NFATC2: variants seen among roughly 807,000 people sequenced by gnomAD.
NFATC2 encodes nuclear factor of activated T-cells, cytoplasmic 2.
A neutral mutation model predicts 87.3 loss-of-function variants in NFATC2; 22 were observed. That is an observed-to-expected ratio of 0.25 (90% CI 0.18 to 0.36). NFATC2 has a LOEUF of 0.36. Ranked by LOEUF, NFATC2 falls within the 10% of genes least tolerant of loss-of-function variation. NFATC2 has a pLI of 1.00. For synonymous variants in NFATC2, 565 were observed against 542.2 expected (o/e 1.04, Z -0.58); for missense variants, 1,149 against 1,259.1 (o/e 0.91, Z 1.32).
At chr20:51,424,940 GA>G (rs1981546340) in intron 9 of NFATC2, among the ~76,000 whole-genome samples, 1 of 151,974 alleles carries the variant, frequency 6.6e-6, no homozygotes, top group South Asian at 2.1e-4. Flanking sequence ...GAGGGGTGTT[GA>G]AAAAAATCTT....
At chr20:51,425,254 T>C (rs773469067) in intron 9 of NFATC2, among the ~76,000 whole-genome samples, 6 of 152,252 alleles carry the variant, frequency 3.9e-5, no homozygotes, top group South Asian at 2.1e-4. Context: ...GATACATTTT[T>C]AAATGAAGGC....
intron 10 of NFATC2, 87 bp from the exon 11 acceptor site, chr20:51,391,538 C>T: frequency 7.3e-7 from 1 of 1,371,776 alleles, no homozygotes; most frequent in Non-Finnish European, 1.0e-6. Context: ...CTTTCTAGAA[C>T]CTCTATTGGG....
At position 51,389,042 on chromosome 20, in the gene NFATC2, A is replaced by G. The variant is rs148860424; in HGVS notation, c.*2454T>C. ...TCTTGCCTGTTTATGTCTCAAATCT[A>G]ATGCTTTTGTTTCTCTTTCCTTTGC... On this transcript the variant is annotated 3_prime_UTR_variant, in exon 11 of 11. Coordinates refer to ENST00000371564, the MANE Select transcript of NFATC2 (RefSeq NM_012340.5). 1 of 152,262 alleles carries G rather than the reference A, an allele frequency of 6.6e-6. No individual in the cohort carries two copies. Among genetic ancestry groups the G allele is most frequent in the African/African-American group, 2.4e-5 (1 of 41,552 alleles). 9.4% of individuals were successfully genotyped at this position (152,262 alleles called of 1,614,324 possible).
At chr20:51,470,486 T>C (rs1262187796) in intron 5 of NFATC2, among the ~76,000 whole-genome samples, 1 of 152,172 alleles carries the variant, frequency 6.6e-6, no homozygotes. Context: ...CTCTGGTAGT[T>C]TGTTCATGTT....
In NFATC2 at chr20:51,512,095, C is replaced by CGGA. The variant is rs1216485558; in HGVS notation, c.1332+4686_1332+4688dup. Among the ~76,000 whole-genome samples, 13 of 152,250 alleles carry CGGA rather than the reference C, an allele frequency of 8.5e-5. No homozygotes were observed. In the East Asian group the frequency reaches 1.9e-3, roughly 23 times the overall value. ...CCCCGACTAAGAGAGACAGAGAGCACGGAGGAGGAGGAGGACATCATTTGT... is the reference window on the plus strand; with the variant it reads ...CCCCGACTAAGAGAGACAGAGAGCACGGAGGAGGAGGAGGAGGACATCATTTGT... On this transcript the variant is annotated intron_variant, in intron 3 of 10. Coordinates refer to ENST00000371564, the MANE Select transcript of NFATC2 (RefSeq NM_012340.5).
At chr20:51,484,715 T>C (rs760847661) in intron 3 of NFATC2, among the ~76,000 whole-genome samples, 1 of 152,246 alleles carries the variant, frequency 6.6e-6, no homozygotes, top group Non-Finnish European at 1.5e-5. Context: ...AGCCTTGTCC[T>C]GCTCGGTGTG....
intron 5 of NFATC2, among the ~76,000 whole-genome samples, chr20:51,462,412 C>T (rs145269576): frequency 0.012 from 1,865 of 152,330 alleles, 20 homozygotes; most frequent in Non-Finnish European, 0.021. Context: ...CGCCACTGCA[C>T]TCCAGCCTGG....
intron 5 of NFATC2, among the ~76,000 whole-genome samples, chr20:51,460,404 T>C (rs1029516724): frequency 6.6e-6 from 1 of 152,166 alleles, no homozygotes. Context: ...TCACAGGTCA[T>C]TACGAGGATT....
At chr20:51,392,825 G>A (rs551816985) in intron 10 of NFATC2, among the ~76,000 whole-genome samples, 3 of 152,260 alleles carry the variant, frequency 2.0e-5, no homozygotes, top group Admixed American at 6.5e-5. Context: ...GGTGCTTTTC[G>A]CTGGAAAACC....
intron 9 of NFATC2, among the ~76,000 whole-genome samples, chr20:51,423,501 G>A (rs1054728310): frequency 2.0e-5 from 3 of 152,078 alleles, no homozygotes; most frequent in Admixed American, 6.5e-5. Context: ...CTTCTGCCCT[G>A]TGTTCTAGTA....
chr20:51,451,731 C>T (rs904837871), intron 6 of NFATC2, among the ~76,000 whole-genome samples: 1 of 152,196 alleles, frequency 6.6e-6, no homozygotes, highest in Non-Finnish European at 1.5e-5. Flanking sequence ...TACATTCTCA[C>T]AGGAGCATGA....
intron 10 of NFATC2, among the ~76,000 whole-genome samples, chr20:51,398,404 A>T (rs1987541275): frequency 6.6e-6 from 1 of 152,150 alleles, no homozygotes; most frequent in Admixed American, 6.5e-5. Context: ...GGAATCGGGG[A>T]GCATGCAAGT....
At chr20:51,398,049 G>A (rs1240700293) in intron 10 of NFATC2, among the ~76,000 whole-genome samples, 2 of 149,662 alleles carry the variant, frequency 1.3e-5, no homozygotes, top group Non-Finnish European at 1.5e-5. Context: ...GGGCTCAGCC[G>A]AGCACCCTGG....
intron 9 of NFATC2, among the ~76,000 whole-genome samples, chr20:51,431,154 C>T (rs1324025992): frequency 1.3e-5 from 2 of 152,114 alleles, no homozygotes; most frequent in African/African-American, 4.8e-5. Context: ...ATATATATAC[C>T]TGCTCTATAT....
intron 5 of NFATC2, among the ~76,000 whole-genome samples, chr20:51,463,895 C>T (rs1158729116): frequency 1.3e-5 from 2 of 152,186 alleles, no homozygotes; most frequent in Non-Finnish European, 2.9e-5. Flanking sequence ...ACTCTGCCTT[C>T]CCAGCTCCCT....
At chr20:51,434,201 AGGGCAGTCAAGCTCACCAAGGCAAG>A (rs1351467713) in intron 8 of NFATC2, among the ~76,000 whole-genome samples, 27 of 55,798 alleles carry the variant, frequency 4.8e-4, no homozygotes, top group Non-Finnish European at 5.1e-4. Flanking sequence ...CAAGGCTGCC[AGGGCAGTCAAGCTCACCAAGGCAAG>A]GCTGCCAGGG....
intron 3 of NFATC2, among the ~76,000 whole-genome samples, chr20:51,493,804 C>G (rs772207345): frequency 1.3e-5 from 2 of 152,200 alleles, no homozygotes; most frequent in African/African-American, 2.4e-5. Context: ...CTGCTCCCCA[C>G]TGTGATGGGC....
chr20:51,512,083 A>G (rs1404863909), intron 3 of NFATC2, among the ~76,000 whole-genome samples: 1 of 152,032 alleles, frequency 6.6e-6, no homozygotes, highest in African/African-American at 2.4e-5. Context: ...CGACTAAGAG[A>G]GACAGAGAGC....
In NFATC2 at chr20:51,548,617, T is replaced by G. The variant is rs1237443193; in HGVS notation, c.70+13943A>C. On this transcript the variant is annotated intron_variant, in intron 1 of 10. Coordinates refer to the NFATC2 transcript ENST00000414705. ...AGACATAAACTAAGAAGTTATTCATTGTTTACCTGAAATTCAAATTTAAGT... is the reference window on the plus strand; with the variant it reads ...AGACATAAACTAAGAAGTTATTCATGGTTTACCTGAAATTCAAATTTAAGT... Among the ~76,000 whole-genome samples, 31 of 152,238 alleles carry G rather than the reference T, an allele frequency of 2.0e-4. 1 individual carries two copies. The highest frequency in any genetic ancestry group is 2.0e-3 in the Admixed American group (31 of 15,288).
Sources: allele counts gnomAD v4.1 joint callset (sites outside exome capture counted in the v4.1 genomes callset), GRCh38; gene constraint gnomAD v4.1.1; transcripts MANE v1.5; gene names NCBI Gene and HGNC (gene_info 2026-07-23, HGNC 2026-07-21).